The following XAB2 variants were observed in gnomAD, a reference collection of about 807,000 sequenced individuals.
The protein encoded by XAB2 is pre-mRNA-splicing factor SYF1.
XAB2 carries 57 observed loss-of-function variants against 113.4 expected under a neutral mutation model. The observed-to-expected ratio is 0.50, with a 90% CI of 0.41 to 0.63. The LOEUF is 0.63. Ranked by LOEUF, XAB2 falls within the 20% of genes least tolerant of loss-of-function variation. The probability of loss-of-function intolerance (pLI) is 0.00; values close to 1 mark genes in which losing one functional copy is unlikely to be tolerated. For missense variants in XAB2, 1,037 were observed against 1,233.3 expected, an observed-to-expected ratio of 0.84 and a Z score of 2.38; for synonymous variants, 497 against 498.8, an observed-to-expected ratio of 1.00 and a Z score of 0.05.
Position 7,628,450 on chromosome 19 carries a change from C to T in XAB2, c.52-152G>A. The T allele has an allele frequency of 1.1e-6, 1 of 901,910 alleles. No homozygotes were observed. Among genetic ancestry groups the T allele is most frequent in the Non-Finnish European group, 1.7e-6 (1 of 599,136 alleles). The allele number at this position is 901,910 out of a possible 1,614,324, so 55.9% of individuals were successfully genotyped here. A position where few individuals can be genotyped will look rare whatever the true frequency, so the allele number is the denominator to read the frequency against. The stretch of plus-strand genomic sequence containing the variant: ...GTCAGGTCACCAGATGCCCAGGCAC[C>T]AAACCAGATGCCCGACACCAAGACA... On this transcript the variant is annotated intron_variant, in intron 1 of 18. Coordinates refer to ENST00000358368, the MANE Select transcript of XAB2 (RefSeq NM_020196.3). The surrounding 1 kb of genome is among the most constrained non-coding windows in gnomAD (Gnocchi z 4.6).
Position 7,627,196 on chromosome 19 carries a change from C to T in XAB2, c.522+47G>A, listed in dbSNP as rs749180994. Reference sequence around the variant, plus strand: ...CGCGGAGCTAGTGTCACAGTGAGGCCGTTTCTGGAAACTAACCTGGGGAAC... The same window carrying T: ...CGCGGAGCTAGTGTCACAGTGAGGCTGTTTCTGGAAACTAACCTGGGGAAC... On this transcript the variant is annotated intron_variant, in intron 4 of 18. Coordinates refer to ENST00000358368, the MANE Select transcript of XAB2 (RefSeq NM_020196.3). The surrounding 1 kb of genome is among the most constrained non-coding windows in gnomAD (Gnocchi z 4.5). 1.1e-5 allele frequency: 17 copies of T among 1,599,832 alleles called. No individual in the cohort carries two copies. In the Admixed American group the frequency reaches 1.5e-4, roughly 14 times the overall value.
intron 16 of XAB2, 80 bp downstream of exon 16, chr19:7,620,195 G>A: frequency 7.5e-6 from 12 of 1,600,726 alleles, no homozygotes; most frequent in Non-Finnish European, 1.0e-5. Context: ...CAGGATCCGA[G>A]GCTCCCAGAC....
At position 7,625,555 on chromosome 19, in the gene XAB2, G is replaced by A. The variant is rs3786613; in HGVS notation, c.822+325C>T. 5.0e-4 allele frequency among the ~76,000 whole-genome samples: 74 copies of A among 147,516 alleles called. No individual in the cohort carries two copies. In the East Asian group the frequency reaches 7.7e-3, roughly 15 times the overall value. On this transcript the variant is annotated intron_variant, in intron 6 of 18. Coordinates refer to ENST00000358368, the MANE Select transcript of XAB2 (RefSeq NM_020196.3). This position sits in a 1 kb window ranked among gnomAD's most constrained non-coding sequence, Gnocchi z 5.2. Reference sequence around the variant, plus strand: ...CTTCCGTGGCGCGATCGCAGCTCACGGCAACCTCCACCTCCCAAGTTCAAG... The same window carrying A: ...CTTCCGTGGCGCGATCGCAGCTCACAGCAACCTCCACCTCCCAAGTTCAAG...
intron 4 of XAB2, 107 bp from the exon 5 acceptor site, chr19:7,626,377 T>C (rs1047487799): frequency 6.7e-7 from 1 of 1,491,732 alleles, no homozygotes; most frequent in African/African-American, 1.4e-5. Context: ...ATGAGTGTCT[T>C]GGGCAAAAGC....
In XAB2 at chr19:7,625,069, C is replaced by T. The variant is rs889849964; in HGVS notation, c.823-624G>A. ...GAGCATGGCCAGCCCGTTTGGCTTT[C>T]GAGGCTCCCAACCTATCTTCCCTGG... On this transcript the variant is annotated intron_variant, in intron 6 of 18. Coordinates refer to ENST00000358368, the MANE Select transcript of XAB2 (RefSeq NM_020196.3). The surrounding 1 kb of genome is among the most constrained non-coding windows in gnomAD (Gnocchi z 5.2). Among the ~76,000 whole-genome samples the T allele has an allele frequency of 7.9e-5, 12 of 152,344 alleles. No homozygotes were observed. Among genetic ancestry groups the T allele is most frequent in the African/African-American group, 2.9e-4 (12 of 41,588 alleles).
At chr19:7,622,093 T>C (rs150136760) in intron 12 of XAB2, 27 of 491,616 alleles carry the variant, frequency 5.5e-5, no homozygotes, top group South Asian at 4.5e-4. Flanking sequence ...CACAAAGACA[T>C]AGGGAGAAGG....
rs2031165766 is a variant in XAB2 at position 7,627,545 on chromosome 19, A to C, written c.325-105T>G. 1.3e-6 allele frequency: 2 copies of C among 1,511,882 alleles called. No individual in the cohort carries two copies. The highest frequency in any genetic ancestry group is 2.4e-4 in the Middle Eastern group (1 of 4,162). 93.7% of individuals were successfully genotyped at this position (1,511,882 alleles called of 1,614,324 possible). Reference sequence around the variant, plus strand: ...GAGCCACACCTGGGGCCACCACATAAATGCGGCGGGACCCAGAAACCCCCA... The same window carrying C: ...GAGCCACACCTGGGGCCACCACATACATGCGGCGGGACCCAGAAACCCCCA... On this transcript the variant is annotated intron_variant, in intron 3 of 18. Coordinates refer to ENST00000358368, the MANE Select transcript of XAB2 (RefSeq NM_020196.3). This position sits in a 1 kb window ranked among gnomAD's most constrained non-coding sequence, Gnocchi z 4.5.
rs1029195580 is a variant in XAB2 at position 7,628,000 on chromosome 19, GAGA to G, written c.200+147_200+149del. ...ATGACAGGGACAGACTGGGACATCA[GAGA>G]AGGTGTGCTGACCCATCAAGGGATG... On this transcript the variant is annotated intron_variant, in intron 2 of 18. Coordinates refer to ENST00000358368, the MANE Select transcript of XAB2 (RefSeq NM_020196.3). This position sits in a 1 kb window ranked among gnomAD's most constrained non-coding sequence, Gnocchi z 4.5. 2.7e-5 allele frequency: 40 copies of G among 1,461,578 alleles called. No homozygotes were observed. In the African/African-American group the frequency reaches 5.1e-4, roughly 19 times the overall value. 90.5% of individuals were successfully genotyped at this position (1,461,578 alleles called of 1,614,324 possible).
intron 15 of XAB2, 21 bp downstream of exon 15, chr19:7,620,526 C>A (rs777979258): frequency 6.2e-7 from 1 of 1,612,940 alleles, no homozygotes; most frequent in East Asian, 2.2e-5. Flanking sequence ...CCCTGATACC[C>A]GTCCCTCCCC....
In XAB2 at chr19:7,622,637, G is replaced by C; in HGVS notation, c.1396C>G (p.Arg466Gly). The change falls in exon 11 of 19, where the codon CGG (arginine) becomes GGG (glycine). Residue 466 changes from arginine (R) to glycine (G), a missense_variant. Transcript: ENST00000358368. ...TCTGAACCATCAAAGTACTCGGCCC[G>C]GCGGGCAGGCAGCGCCGTGGCCTTC... is the stretch of plus-strand genomic sequence containing the variant. ...LRKATALPAR[R>G]AEYFDGSEPV... is the part of the protein sequence containing the mutation. 3 of 1,611,668 alleles carry C rather than the reference G, an allele frequency of 1.9e-6. No individual in the cohort carries two copies. Among genetic ancestry groups the C allele is most frequent in the Non-Finnish European group, 2.5e-6 (3 of 1,179,988 alleles).
At position 7,627,321 on chromosome 19, in the gene XAB2, A is replaced by G. The variant is rs565872625; in HGVS notation, c.444T>C (p.Ile148=). The G allele has an allele frequency of 6.2e-7, 1 of 1,613,838 alleles. No homozygotes were observed. The highest frequency in any genetic ancestry group is 1.1e-5 in the South Asian group (1 of 91,086). Residue 148 remains isoleucine (I), a synonymous_variant, in exon 4 of 19, where the codon ATT becomes ATC. Transcript: ENST00000358368. This position sits in a 1 kb window ranked among gnomAD's most constrained non-coding sequence, Gnocchi z 4.5. The part of the protein sequence containing the change: ...RALPITQHSR[I]WPLYLRFLRS... ...GCAGGAAGCGCAGATACAGGGGCCA[A>G]ATTCGAGAGTGCTGCGTGATGGGCA...
Position 7,625,947 on chromosome 19 carries a change from G to A in XAB2, c.755C>T (p.Thr252Ile). 6.2e-7 allele frequency: 1 copy of A among 1,613,794 alleles called. No individual in the cohort carries two copies. The highest frequency in any genetic ancestry group is 8.5e-7 in the Non-Finnish European group (1 of 1,179,874). The change falls in exon 6 of 19, where the codon ACC (threonine) becomes ATC (isoleucine). Residue 252 changes from threonine (T) to isoleucine (I), a missense_variant. Thr to Ile is a moderately conservative substitution (Grantham distance 89, BLOSUM62 -1). Coordinates refer to ENST00000358368, the MANE Select transcript of XAB2 (RefSeq NM_020196.3). This position sits in a 1 kb window ranked among gnomAD's most constrained non-coding sequence, Gnocchi z 5.2. Reference sequence around the variant, plus strand: ...ACACCAGAGCTTGCCCAGCTGGTCGGTGAAGCGGGTGAGGCCCCCGCGGAT... The same window carrying A: ...ACACCAGAGCTTGCCCAGCTGGTCGATGAAGCGGGTGAGGCCCCCGCGGAT... ...AIIRGGLTRF[T>I]DQLGKLWCSL...
chr19:7,626,082 C>T, intron 5 of XAB2, 38 bp from the exon 6 acceptor site: 9 of 1,610,414 alleles, frequency 5.6e-6, no homozygotes, highest in Non-Finnish European at 7.6e-6. Context: ...GTCTCAGGCT[C>T]AGTCATGGAG....
At chr19:7,620,180 G>A in intron 16 of XAB2, 95 bp downstream of exon 16, 1 of 1,595,148 alleles carries the variant, frequency 6.3e-7, no homozygotes, top group East Asian at 2.2e-5. Context: ...CAAGGAGATT[G>A]CCATCAGGAT....
At position 7,624,564 on chromosome 19, in the gene XAB2, A is replaced by G; in HGVS notation, c.823-119T>C. ...GGGCCTTCTGGGTAGTGACGCATCC[A>G]GCACCTCTGGGTAGTGACCCCAGGA... On this transcript the variant is annotated intron_variant, in intron 6 of 18. Transcript: ENST00000358368. This position sits in a 1 kb window ranked among gnomAD's most constrained non-coding sequence, Gnocchi z 4.2. The G allele has an allele frequency of 6.9e-7, 1 of 1,459,016 alleles. No individual in the cohort carries two copies. The highest frequency in any genetic ancestry group is 1.2e-5 in the South Asian group (1 of 80,662). The allele number at this position is 1,459,016 out of a possible 1,614,324, so 90.4% of individuals were successfully genotyped here.
In XAB2 at chr19:7,623,579, G is replaced by T; in HGVS notation, c.1119+152C>A. 8.4e-7 allele frequency: 1 copy of T among 1,183,784 alleles called. No homozygotes were observed. Among genetic ancestry groups the T allele is most frequent in the Non-Finnish European group, 1.2e-6 (1 of 857,406 alleles). The allele number at this position is 1,183,784 out of a possible 1,614,324, so 73.3% of individuals were successfully genotyped here. A position where few individuals can be genotyped will look rare whatever the true frequency, so the allele number is the denominator to read the frequency against. On this transcript the variant is annotated intron_variant, in intron 8 of 18. Coordinates refer to ENST00000358368, the MANE Select transcript of XAB2 (RefSeq NM_020196.3). The surrounding 1 kb of genome is among the most constrained non-coding windows in gnomAD (Gnocchi z 4.6). Reference sequence around the variant, plus strand: ...CTGTGGCTCTGAGGGGCGGGGCTCGGGCAGGAGGAGAACCCCAAGAACAGG... The same window carrying T: ...CTGTGGCTCTGAGGGGCGGGGCTCGTGCAGGAGGAGAACCCCAAGAACAGG...
In XAB2 at chr19:7,625,795, C is replaced by T. The variant is rs2031126837; in HGVS notation, c.822+85G>A. On this transcript the variant is annotated intron_variant, in intron 6 of 18. Transcript: ENST00000358368. The surrounding 1 kb of genome is among the most constrained non-coding windows in gnomAD (Gnocchi z 5.2). ...CACCCAGCCATAAATGGCATGTTTT[C>T]TGCCTGTGCATGTGTCAACATGTGT... The T allele has an allele frequency of 2.0e-6, 3 of 1,501,646 alleles. No homozygotes were observed. The Admixed American group carries it at 6.5e-5, about 32-fold the overall frequency. 93.0% of individuals were successfully genotyped at this position (1,501,646 alleles called of 1,614,324 possible).
In XAB2 at chr19:7,625,473, C is replaced by CTTTTTTTTT. The variant is rs397724907; in HGVS notation, c.822+398_822+406dup. Among the ~76,000 whole-genome samples the CTTTTTTTTT allele has an allele frequency of 9.5e-6, 1 of 105,324 alleles. No homozygotes were observed. Among genetic ancestry groups the CTTTTTTTTT allele is most frequent in the Non-Finnish European group, 1.9e-5 (1 of 52,426 alleles). 69.1% of individuals were successfully genotyped at this position (105,324 alleles called of 152,430 possible). ...ATATGCATGTCTGTCAAAAATGGCA[C>CTTTTTTTTT]TTTTTTTTTTTTTTTTTTTTTTTGA... On this transcript the variant is annotated intron_variant, in intron 6 of 18. Transcript: ENST00000358368. This position sits in a 1 kb window ranked among gnomAD's most constrained non-coding sequence, Gnocchi z 5.2.
At position 7,627,553 on chromosome 19, in the gene XAB2, G is replaced by A. The variant is rs371471520; in HGVS notation, c.325-113C>T. ...CCTGGGGCCACCACATAAATGCGGC[G>A]GGACCCAGAAACCCCCAGCTCCAGG... On this transcript the variant is annotated intron_variant, in intron 3 of 18. Coordinates refer to ENST00000358368, the MANE Select transcript of XAB2 (RefSeq NM_020196.3). This position sits in a 1 kb window ranked among gnomAD's most constrained non-coding sequence, Gnocchi z 4.5. 1.7e-5 allele frequency: 26 copies of A among 1,505,304 alleles called. No individual in the cohort carries two copies. Among genetic ancestry groups the A allele is most frequent in the East Asian group, 2.3e-5 (1 of 43,586 alleles). 93.2% of individuals were successfully genotyped at this position (1,505,304 alleles called of 1,614,324 possible). A position where few individuals can be genotyped will look rare whatever the true frequency, so the allele number is the denominator to read the frequency against.
Sources: allele counts gnomAD v4.1 joint callset (sites outside exome capture counted in the v4.1 genomes callset), GRCh38; gene constraint gnomAD v4.1.1; non-coding constraint Gnocchi (gnomAD v3.1); transcripts MANE v1.5; gene names NCBI Gene and HGNC (gene_info 2026-07-23, HGNC 2026-07-21).